The following SPATA6 variants were observed in gnomAD, a reference collection of about 807,000 sequenced individuals.
SPATA6 encodes the protein spermatogenesis-associated protein 6.
In SPATA6, 56 loss-of-function variants were observed where a neutral mutation model predicts 65.3. The observed-to-expected ratio is 0.86, with a 90% confidence interval of 0.69 to 1.07. The LOEUF (loss-of-function observed/expected upper bound fraction) is 1.07, where lower values mean the gene tolerates loss of function less well. Among genes scored for constraint, SPATA6 ranks in the 50% least tolerant of loss-of-function variants. SPATA6 has a pLI of 0.00. For missense variants in SPATA6, 590 were observed against 594.8 expected (o/e 0.99, Z 0.08); for synonymous variants, 199 against 213.2 (o/e 0.93, Z 0.58).
At chr1:48,300,670 T>C (rs1272833397) in intron 12 of SPATA6, among the ~76,000 whole-genome samples, 4 of 152,010 alleles carry the variant, frequency 2.6e-5, no homozygotes, top group Non-Finnish European at 5.9e-5. Context: ...AACAGAATAT[T>C]AGAAAATTGA....
At chr1:48,357,422 T>C (rs1016723648) in intron 10 of SPATA6, among the ~76,000 whole-genome samples, 1 of 152,096 alleles carries the variant, frequency 6.6e-6, no homozygotes, top group Admixed American at 6.6e-5. Flanking sequence ...ATTAAAGCCA[T>C]TGGGAAAGTT....
intron 1 of SPATA6, among the ~76,000 whole-genome samples, chr1:48,468,694 A>G (rs1176332125): frequency 6.6e-6 from 1 of 152,144 alleles, no homozygotes; most frequent in African/African-American, 2.4e-5. Flanking sequence ...TGAGGAAAAA[A>G]AAGGAACATT....
chr1:48,399,809 T>C (rs1226176255), intron 6 of SPATA6, among the ~76,000 whole-genome samples, 165 bp from the exon 7 acceptor site: 4 of 151,870 alleles, frequency 2.6e-5, no homozygotes, highest in African/African-American at 9.7e-5. Flanking sequence ...AAATCCACAT[T>C]CTCCTAGATA....
chr1:48,291,597 C>G (rs1644768462), downstream of SPATA6, among the ~76,000 whole-genome samples: 1 of 152,058 alleles, frequency 6.6e-6, no homozygotes, highest in Admixed American at 6.6e-5. Context: ...CACCTGCCCC[C>G]CTCACCCAGT....
intron 11 of SPATA6, among the ~76,000 whole-genome samples, chr1:48,319,745 A>G (rs754789420): frequency 3.9e-5 from 6 of 152,108 alleles, no homozygotes; most frequent in Non-Finnish European, 7.4e-5. Flanking sequence ...CCAGACTAAC[A>G]CAGCGAGCCA....
chr1:48,300,040 T>C (rs1480670704), intron 12 of SPATA6, among the ~76,000 whole-genome samples: 1 of 152,042 alleles, frequency 6.6e-6, no homozygotes, highest in Non-Finnish European at 1.5e-5. Flanking sequence ...AGCGAGCGCA[T>C]GCAAGAGAGC....
At chr1:48,277,750 A>G in the SPATA6 span, among the ~76,000 whole-genome samples, 2 of 152,236 alleles carry the variant, frequency 1.3e-5, no homozygotes, top group African/African-American at 4.8e-5. Flanking sequence ...CTCTGGGGGC[A>G]GGGCACAGAC....
At chr1:48,471,531 A>C (rs529071854) in intron 1 of SPATA6, among the ~76,000 whole-genome samples, 54 of 152,168 alleles carry the variant, frequency 3.5e-4, no homozygotes, top group Non-Finnish European at 6.3e-4. Context: ...GTGTGCCTGC[A>C]GGGATTCGGG....
intron 3 of SPATA6, among the ~76,000 whole-genome samples, chr1:48,426,073 CAT>C (rs2148036717): frequency 6.6e-6 from 1 of 152,210 alleles, no homozygotes; most frequent in South Asian, 2.1e-4. Flanking sequence ...ATACTTGAAA[CAT>C]ATAACTGGCA....
At chr1:48,332,206 T>C (rs1380995877) in intron 11 of SPATA6, among the ~76,000 whole-genome samples, 2 of 152,164 alleles carry the variant, frequency 1.3e-5, no homozygotes, top group Non-Finnish European at 2.9e-5. Context: ...AACAACATGA[T>C]AGCAGGATCA....
chr1:48,415,500 T>C (rs936793402), intron 3 of SPATA6, among the ~76,000 whole-genome samples: 6 of 152,084 alleles, frequency 3.9e-5, no homozygotes, highest in African/African-American at 1.4e-4. Context: ...AGAAATAGTA[T>C]AGATTGAAAA....
Position 48,315,672 on chromosome 1 carries a change from G to T in SPATA6, c.1195-9794C>A, listed in dbSNP as rs574721476. ...TCTCACCACTCCTATTCAACATAGTGTTGGAAGTTCTGGCCACGGCAATGA... is the reference window on the plus strand; with the variant it reads ...TCTCACCACTCCTATTCAACATAGTTTTGGAAGTTCTGGCCACGGCAATGA... On this transcript the variant is annotated intron_variant, in intron 11 of 12. Coordinates refer to ENST00000371847, the MANE Select transcript of SPATA6 (RefSeq NM_019073.4). Among the ~76,000 whole-genome samples, 8 of 152,260 alleles carry T rather than the reference G, an allele frequency of 5.3e-5. No individual in the cohort carries two copies. In the East Asian group the frequency reaches 1.5e-3, roughly 29 times the overall value.
intron 3 of SPATA6, chr1:48,436,880 G>T: frequency 6.2e-7 from 1 of 1,611,888 alleles, no homozygotes; most frequent in Non-Finnish European, 8.5e-7. Flanking sequence ...AAAAATTCCC[G>T]GTCAGGTGTA....
chr1:48,452,406 T>C (rs1320115357), intron 2 of SPATA6, among the ~76,000 whole-genome samples: 2 of 150,866 alleles, frequency 1.3e-5, no homozygotes, highest in Non-Finnish European at 3.0e-5. Context: ...TTTTTTTAGA[T>C]GGAGTCTTGT....
chr1:48,420,818 G>A (rs1653254111), intron 3 of SPATA6, among the ~76,000 whole-genome samples: 1 of 152,122 alleles, frequency 6.6e-6, no homozygotes, highest in South Asian at 2.1e-4. Flanking sequence ...AAAATAAGAT[G>A]TAGAAAGAAA....
chr1:48,369,436 G>A (rs1435231443), intron 9 of SPATA6, among the ~76,000 whole-genome samples: 1 of 152,226 alleles, frequency 6.6e-6, no homozygotes, highest in Non-Finnish European at 1.5e-5. Flanking sequence ...CACCCAGTTC[G>A]AGCTTCCTGG....
At chr1:48,400,800 CT>C in intron 6 of SPATA6, 2 of 1,296,894 alleles carry the variant, frequency 1.5e-6, no homozygotes, top group Non-Finnish European at 2.0e-6. Context: ...TCCATCTTTC[CT>C]TCTTCTGTAG....
chr1:48,293,389 T>C (rs1294428522), downstream of SPATA6, among the ~76,000 whole-genome samples: 1 of 152,212 alleles, frequency 6.6e-6, no homozygotes, highest in Non-Finnish European at 1.5e-5. Flanking sequence ...TTGGTTTTGC[T>C]TTGCTTTTTT....
chr1:48,466,858 T>C lies in SPATA6; in HGVS notation c.51+5100A>G, dbSNP rs1325631010. 7.2e-5 allele frequency among the ~76,000 whole-genome samples: 11 copies of C among 152,178 alleles called. No homozygotes were observed. The East Asian group carries it at 1.9e-3, about 27-fold the overall frequency. ...TGTCTGCCACAGTGCTATCATTAGTTTCAGTTAGGTAATGAGATGAAGTGA... is the reference window on the plus strand; with the variant it reads ...TGTCTGCCACAGTGCTATCATTAGTCTCAGTTAGGTAATGAGATGAAGTGA... On this transcript the variant is annotated intron_variant, in intron 1 of 12. Transcript: ENST00000371847.
Sources: allele counts gnomAD v4.1 joint callset (sites outside exome capture counted in the v4.1 genomes callset), GRCh38; gene constraint gnomAD v4.1.1; transcripts MANE v1.5; gene names NCBI Gene and HGNC (gene_info 2026-07-23, HGNC 2026-07-21).